The following RTF1 variants were observed in gnomAD, a reference collection of about 807,000 sequenced individuals.
RTF1 encodes RNA polymerase-associated protein RTF1 homolog.
RTF1 carries 10 observed loss-of-function variants against 95.7 expected under a neutral mutation model. The observed-to-expected ratio is 0.10, with a 90% CI of 0.06 to 0.18. The LOEUF is 0.18. RTF1 is among the 10% of genes least tolerant of loss of function. The pLI is 1.00. For synonymous variants in RTF1, 305 were observed against 311.8 expected (o/e 0.98, Z 0.23); for missense variants, 458 against 875.6 (o/e 0.52, Z 6.02).
intron 2 of RTF1, among the ~76,000 whole-genome samples, chr15:41,440,538 G>GGAGT (rs2050728343): frequency 7.3e-6 from 1 of 136,746 alleles, no homozygotes; most frequent in Non-Finnish European, 1.5e-5. Context: ...TTGCCAGGCT[G>GGAGT]GAGTGCAGTG....
At chr15:41,428,387 C>A (rs988454128) in intron 1 of RTF1, among the ~76,000 whole-genome samples, 1 of 148,838 alleles carries the variant, frequency 6.7e-6, no homozygotes, top group East Asian at 2.0e-4. Flanking sequence ...CCCGCCTCAG[C>A]CTCCCGAGTA....
rs374562035 is a variant in RTF1 at position 41,430,552 on chromosome 15, C to T, written c.199-7769C>T. 2.5e-3 allele frequency among the ~76,000 whole-genome samples: 373 copies of T among 151,866 alleles called. 1 individual carries two copies. Among genetic ancestry groups the T allele is most frequent in the African/African-American group, 8.5e-3 (354 of 41,432 alleles). On this transcript the variant is annotated intron_variant, in intron 1 of 17. Transcript: ENST00000389629. ...CTCAGAGGTTCAAGACCAGCCTGGG[C>T]AACATGATGAAACCCTGTCTCTACT...
At chr15:41,447,489 T>G (rs2050769593) in intron 2 of RTF1, among the ~76,000 whole-genome samples, 1 of 152,222 alleles carries the variant, frequency 6.6e-6, no homozygotes, top group South Asian at 2.1e-4. Flanking sequence ...ACTAGGTAAT[T>G]GTTGCCCATT....
intron 6 of RTF1, among the ~76,000 whole-genome samples, chr15:41,468,468 C>A (rs998227764): frequency 1.3e-5 from 2 of 152,100 alleles, no homozygotes; most frequent in African/African-American, 4.8e-5. Flanking sequence ...CAGGCACCTG[C>A]CACCACGCCC....
At chr15:41,444,818 G>T (rs1339761832) in intron 2 of RTF1, among the ~76,000 whole-genome samples, 3 of 152,116 alleles carry the variant, frequency 2.0e-5, no homozygotes, top group African/African-American at 7.2e-5. Flanking sequence ...TCTGTCGTGG[G>T]GTCAGGAAGC....
chr15:41,419,023 A>G (rs572342903), intron 1 of RTF1, among the ~76,000 whole-genome samples: 92 of 152,182 alleles, frequency 6.0e-4, no homozygotes, highest in Non-Finnish European at 1.1e-3. Context: ...TGGTAGGGAG[A>G]TGGAGAAGTA....
intron 1 of RTF1, among the ~76,000 whole-genome samples, chr15:41,427,247 G>T (rs962169939): frequency 6.7e-6 from 1 of 149,504 alleles, no homozygotes; most frequent in Non-Finnish European, 1.5e-5. Context: ...CGCCTCCCGG[G>T]TTCACGCCAT....
intron 4 of RTF1, among the ~76,000 whole-genome samples, chr15:41,462,392 T>C (rs1007757818): frequency 1.3e-5 from 2 of 152,120 alleles, no homozygotes; most frequent in East Asian, 3.9e-4. Context: ...GCACTGACAT[T>C]GCAGTTAGAA....
At chr15:41,455,484 T>G (rs1023390537) in intron 3 of RTF1, among the ~76,000 whole-genome samples, 4 of 152,082 alleles carry the variant, frequency 2.6e-5, no homozygotes, top group African/African-American at 9.7e-5. Flanking sequence ...AAGTGGTGTT[T>G]AAGCCATCAG....
chr15:41,461,127 C>CT (rs1332460690), intron 4 of RTF1, among the ~76,000 whole-genome samples: 1 of 151,480 alleles, frequency 6.6e-6, no homozygotes, highest in Non-Finnish European at 1.5e-5. Flanking sequence ...ACTGCAACCT[C>CT]TGCCTCCCGG....
intron 2 of RTF1, among the ~76,000 whole-genome samples, chr15:41,441,655 C>T (rs1467267397): frequency 6.6e-6 from 1 of 152,176 alleles, no homozygotes; most frequent in East Asian, 1.9e-4. Flanking sequence ...TAAAAAACTG[C>T]TCATCTTAGA....
Position 41,453,026 on chromosome 15 carries a change from T to A in RTF1, c.435T>A (p.Ala145=), listed in dbSNP as rs141195750. The A allele has an allele frequency of 6.2e-7, 1 of 1,603,942 alleles. No homozygotes were observed. The highest frequency in any genetic ancestry group is 8.5e-7 in the Non-Finnish European group (1 of 1,177,360). The change falls in exon 3 of 18, where the codon GCT becomes GCA. Residue 145 remains alanine, a synonymous_variant. Transcript: ENST00000389629. ...GCAGTTCAGACAAAGACAGTTCAGC[T>A]GAGAGCTCAGCCCCTGAGGAAGGTG... The part of the protein sequence containing the change: ...SSGSSDKDSS[A]ESSAPEEGEV...
chr15:41,434,762 G>A (rs567500575), intron 1 of RTF1, among the ~76,000 whole-genome samples: 2 of 151,146 alleles, frequency 1.3e-5, no homozygotes, highest in East Asian at 4.0e-4. Context: ...CGAGTAGCTG[G>A]GATTACAGGC....
chr15:41,453,024 G>C lies in RTF1; in HGVS notation c.433G>C (p.Ala145Pro), dbSNP rs2050796202. 1 of 1,604,142 alleles carries C rather than the reference G, an allele frequency of 6.2e-7. No homozygotes were observed. Among genetic ancestry groups the C allele is most frequent in the Non-Finnish European group, 8.5e-7 (1 of 1,177,362 alleles). The change falls in exon 3 of 18, where the codon GCT becomes CCT. Residue 145 changes from alanine (A) to proline (P), a missense_variant. Physicochemically the swap from Ala to Pro is conservative, Grantham distance 27 (BLOSUM62 -1). This residue lies in a region of RTF1 where 39 missense variants were observed against 38.4 expected (regional missense o/e 1.02). Transcript: ENST00000389629. ...SSGSSDKDSS[A>P]ESSAPEEGEV... Reference sequence around the variant, plus strand: ...AGGCAGTTCAGACAAAGACAGTTCAGCTGAGAGCTCAGCCCCTGAGGAAGG... The same window carrying C: ...AGGCAGTTCAGACAAAGACAGTTCACCTGAGAGCTCAGCCCCTGAGGAAGG...
intron 2 of RTF1, among the ~76,000 whole-genome samples, chr15:41,449,639 G>A (rs893268633): frequency 6.6e-6 from 1 of 151,738 alleles, no homozygotes; most frequent in African/African-American, 2.4e-5. Context: ...CACCACACTT[G>A]GCCTGGTGAT....
intron 2 of RTF1, among the ~76,000 whole-genome samples, chr15:41,448,070 T>C (rs1664714630): frequency 6.6e-6 from 1 of 152,160 alleles, no homozygotes; most frequent in Non-Finnish European, 1.5e-5. Flanking sequence ...ATCTCTGGAC[T>C]AATAGCTGGA....
Position 41,426,779 on chromosome 15 carries a change from ATATGTGTGTGTG to A in RTF1, c.198+9468_198+9479del, listed in dbSNP as rs1385869707. 1.5e-3 allele frequency among the ~76,000 whole-genome samples: 120 copies of A among 77,610 alleles called. 1 individual carries two copies. Among genetic ancestry groups the A allele is most frequent in the Middle Eastern group, 6.9e-3 (1 of 144 alleles). 50.9% of individuals were successfully genotyped at this position (77,610 alleles called of 152,430 possible). ...TCTACTGTGCCCAGCCGCTACATAT[ATATGTGTGTGTG>A]TGTGTGTGTGTGTGTGTGTGTGTGT... On this transcript the variant is annotated intron_variant, in intron 1 of 17. Transcript: ENST00000389629.
chr15:41,454,127 G>A (rs565228399), intron 3 of RTF1, among the ~76,000 whole-genome samples: 5 of 151,726 alleles, frequency 3.3e-5, no homozygotes, highest in South Asian at 4.2e-4. Flanking sequence ...ACAGAGTTTC[G>A]CTCTTGTTGC....
rs1383193952 is a variant in RTF1 at position 41,447,846 on chromosome 15, C to G, written c.310-5055C>G. On this transcript the variant is annotated intron_variant, in intron 2 of 17. Coordinates refer to ENST00000389629, the MANE Select transcript of RTF1 (RefSeq NM_015138.5). ...GGGCAGTTTGAAGGTTATAACAGAG[C>G]TTACCTTTCAGTAGAACCATACTTC... Among the ~76,000 whole-genome samples, 5 of 152,184 alleles carry G rather than the reference C, an allele frequency of 3.3e-5. No homozygotes were observed. In the East Asian group the frequency reaches 9.6e-4, roughly 29 times the overall value.
Sources: allele counts gnomAD v4.1 joint callset (sites outside exome capture counted in the v4.1 genomes callset), GRCh38; gene constraint gnomAD v4.1.1; regional missense constraint gnomAD v4.1.1; transcripts MANE v1.5; gene names NCBI Gene and HGNC (gene_info 2026-07-23, HGNC 2026-07-21).